ZEB2: variants seen among roughly 807,000 people sequenced by gnomAD.
The protein encoded by ZEB2 is zinc finger E-box binding homeobox 2.
ZEB2 carries 6 observed loss-of-function variants against 99.9 expected under a neutral mutation model. The observed-to-expected ratio is 0.06, with a 90% CI of 0.03 to 0.12. The LOEUF (loss-of-function observed/expected upper bound fraction) is 0.12, where lower values mean the gene tolerates loss of function less well. ZEB2 is among the 10% of genes least tolerant of loss of function. The probability of loss-of-function intolerance (pLI) is 1.00; values close to 1 mark genes in which losing one functional copy is unlikely to be tolerated. For missense variants in ZEB2, 969 were observed against 1,502.8 expected, an observed-to-expected ratio of 0.64 and a Z score of 5.87; for synonymous variants, 517 against 542.5, an observed-to-expected ratio of 0.95 and a Z score of 0.65.
chr2:144,443,830 G>C (rs1703948744), intron 2 of ZEB2, among the ~76,000 whole-genome samples: 1 of 151,562 alleles, frequency 6.6e-6, no homozygotes, highest in Admixed American at 6.6e-5. Context: ...TTCTTGTCCT[G>C]AACGAAAGCA....
chr2:144,479,024 A>G (rs992647227), intron 2 of ZEB2, among the ~76,000 whole-genome samples: 4 of 152,372 alleles, frequency 2.6e-5, no homozygotes, highest in Admixed American at 2.6e-4. Flanking sequence ...TTTCTAAAGT[A>G]AAACATATTA....
intron 2 of ZEB2, among the ~76,000 whole-genome samples, chr2:144,498,762 T>A (rs1379608283): frequency 6.6e-6 from 1 of 152,122 alleles, no homozygotes; most frequent in Non-Finnish European, 1.5e-5. Flanking sequence ...GGAAGGGTCA[T>A]GAGGGAAGGC....
chr2:144,515,211 AAAT>A (rs975913892), intron 2 of ZEB2, among the ~76,000 whole-genome samples: 1 of 152,162 alleles, frequency 6.6e-6, no homozygotes, highest in African/African-American at 2.4e-5. Flanking sequence ...CAAAAAAAAA[AAAT>A]GACTGTTTAA....
rs754754722 is a variant in ZEB2, at chr2:144,429,875, G to A, written c.225C>T (p.Ser75=). Residue 75 remains serine, a synonymous_variant, in exon 3 of 10, where the codon AGC becomes AGT. Transcript: ENST00000627532. The stretch of plus-strand genomic sequence containing the variant: ...CTTCCTCTCTTGGCAACAGAGCTTG[G>A]CTCACGTGTGGGGAGGACTCATGGT... ...VPNHESSPHV[S]QALLPREEEE... 1.2e-4 allele frequency: 201 copies of A among 1,613,636 alleles called. No individual in the cohort carries two copies. The highest frequency in any genetic ancestry group is 1.7e-4 in the Non-Finnish European group (197 of 1,179,870).
intron 2 of ZEB2, chr2:144,513,691 G>C: frequency 3.3e-6 from 5 of 1,535,650 alleles, no homozygotes; most frequent in Non-Finnish European, 4.4e-6. Context: ...CCCGCTGCCC[G>C]AATCAGGGGC....
chr2:144,444,525 T>C (rs1404345127), intron 2 of ZEB2, among the ~76,000 whole-genome samples: 1 of 152,228 alleles, frequency 6.6e-6, no homozygotes, highest in Non-Finnish European at 1.5e-5. Flanking sequence ...CAGGGGGACC[T>C]GGCCTCTCAG....
At chr2:144,489,059 T>C (rs1389529420) in intron 2 of ZEB2, among the ~76,000 whole-genome samples, 2 of 152,208 alleles carry the variant, frequency 1.3e-5, no homozygotes, top group Admixed American at 6.5e-5. Context: ...ATCTACTCTA[T>C]TATTGCTAAC....
At chr2:144,430,081 C>T (rs938965756) in intron 2 of ZEB2, 55 bp from the exon 3 acceptor site, 186 of 1,603,900 alleles carry the variant, frequency 1.2e-4, no homozygotes, top group Non-Finnish European at 1.5e-4. Context: ...AAACATCAGC[C>T]ACCCCTAATT....
chr2:144,435,011 A>C (rs2149893392), intron 2 of ZEB2, among the ~76,000 whole-genome samples: 1 of 152,354 alleles, frequency 6.6e-6, no homozygotes, highest in East Asian at 1.9e-4. Flanking sequence ...TGTATAAAAC[A>C]GTAACATGGA....
intron 2 of ZEB2, chr2:144,495,682 T>G (rs999642019): frequency 1.3e-5 from 2 of 152,290 alleles, no homozygotes; most frequent in South Asian, 2.1e-4. Flanking sequence ...CACAGAGATA[T>G]GAATTCTTGC....
intron 1 of ZEB2, chr2:144,518,978 A>G (rs548033106): frequency 7.2e-5 from 11 of 152,296 alleles, no homozygotes; most frequent in African/African-American, 2.6e-4. Context: ...TCTTGCCTTC[A>G]TCATTACAGG....
intron 2 of ZEB2, among the ~76,000 whole-genome samples, chr2:144,472,362 C>T (rs1461560135): frequency 1.3e-5 from 2 of 151,982 alleles, no homozygotes; most frequent in African/African-American, 4.8e-5. Context: ...ACTGTTAGAA[C>T]CAGATTTTTA....
chr2:144,397,086 T>A (rs1291391977), intron 8 of ZEB2, among the ~76,000 whole-genome samples: 1 of 152,264 alleles, frequency 6.6e-6, no homozygotes, highest in African/African-American at 2.4e-5. Flanking sequence ...TATATTTTTA[T>A]ATTTAATTTT....
At chr2:144,412,606 C>T (rs992872683) in intron 4 of ZEB2, among the ~76,000 whole-genome samples, 1 of 152,190 alleles carries the variant, frequency 6.6e-6, no homozygotes. Context: ...AAGTCTTTCA[C>T]GAAATTCTGA....
At chr2:144,393,781 A>G (rs1256018624) in intron 9 of ZEB2, among the ~76,000 whole-genome samples, 1 of 152,240 alleles carries the variant, frequency 6.6e-6, no homozygotes, top group Non-Finnish European at 1.5e-5. Context: ...GCCAACAGGA[A>G]GATAATTAAT....
intron 2 of ZEB2, among the ~76,000 whole-genome samples, chr2:144,447,492 A>T (rs904102628): frequency 6.6e-6 from 1 of 152,148 alleles, no homozygotes; most frequent in African/African-American, 2.4e-5. Flanking sequence ...CACATCCCCC[A>T]GTTACTCCCA....
intron 2 of ZEB2, among the ~76,000 whole-genome samples, chr2:144,511,107 G>A (rs1406959742): frequency 6.6e-6 from 1 of 152,150 alleles, no homozygotes; most frequent in Non-Finnish European, 1.5e-5. Context: ...TGACACAAGA[G>A]TTGGTATTTT....
chr2:144,401,416 G>C lies in ZEB2; in HGVS notation c.808-109C>G, dbSNP rs764284782. On this transcript the variant is annotated intron_variant, in intron 6 of 9. Coordinates refer to ENST00000627532, the MANE Select transcript of ZEB2 (RefSeq NM_014795.4). ...TTTTCAGACAGGCCAAAAGGTTTGAGTGCATGCTTATTTATCTGCTCAGTC... is the reference window on the plus strand; with the variant it reads ...TTTTCAGACAGGCCAAAAGGTTTGACTGCATGCTTATTTATCTGCTCAGTC... The C allele has an allele frequency of 6.3e-5, 61 of 966,280 alleles. 1 individual carries two copies. The highest frequency in any genetic ancestry group is 9.7e-5 in the Non-Finnish European group (58 of 598,362). 59.9% of individuals were successfully genotyped at this position (966,280 alleles called of 1,614,324 possible). A position where few individuals can be genotyped will look rare whatever the true frequency, so the allele number is the denominator to read the frequency against.
intron 4 of ZEB2, among the ~76,000 whole-genome samples, chr2:144,419,358 T>G (rs1703588031): frequency 1.3e-5 from 2 of 152,372 alleles, no homozygotes; most frequent in South Asian, 4.1e-4. Context: ...GCCCAGTTTC[T>G]GGATGTAAGG....
Sources: allele counts gnomAD v4.1 joint callset (sites outside exome capture counted in the v4.1 genomes callset), GRCh38; gene constraint gnomAD v4.1.1; transcripts MANE v1.5; gene names NCBI Gene and HGNC (gene_info 2026-07-23, HGNC 2026-07-21).